CD2AP: variants seen among roughly 807,000 people sequenced by gnomAD.
The protein encoded by CD2AP is CD2-associated protein.
Under a neutral mutation model 85.1 loss-of-function variants are expected in CD2AP, and 46 were observed. The ratio of observed to expected loss-of-function variants is 0.54; its 90% CI spans 0.43 to 0.69. The LOEUF is 0.69. CD2AP is among the 30% of genes least tolerant of loss of function. CD2AP has a pLI of 0.00. For missense variants in CD2AP, 769 were observed against 729.5 expected (o/e 1.05, Z -0.62); for synonymous variants, 255 against 252.9 (o/e 1.01, Z -0.08).
chr6:47,616,930 C>G (rs1254910289), intron 17 of CD2AP, among the ~76,000 whole-genome samples: 1 of 152,108 alleles, frequency 6.6e-6, no homozygotes, highest in African/African-American at 2.4e-5. Flanking sequence ...ATCCTATTGT[C>G]TCTAACTTCT....
At chr6:47,513,741 CTT>C (rs1252383134) in intron 2 of CD2AP, among the ~76,000 whole-genome samples, 1 of 151,668 alleles carries the variant, frequency 6.6e-6, no homozygotes, top group South Asian at 2.1e-4. Flanking sequence ...CAGTAAACAT[CTT>C]TTTTGGGGTA....
chr6:47,532,498 T>G (rs1490063096), intron 2 of CD2AP, among the ~76,000 whole-genome samples: 1 of 152,134 alleles, frequency 6.6e-6, no homozygotes, highest in Non-Finnish European at 1.5e-5. Context: ...CATTCCCTAT[T>G]AAATATGGAA....
intron 17 of CD2AP, among the ~76,000 whole-genome samples, chr6:47,622,369 GT>G (rs1443201365): frequency 6.6e-6 from 1 of 152,134 alleles, no homozygotes; most frequent in African/African-American, 2.4e-5. Context: ...CTCTCGCCCC[GT>G]TCAAATTGTT....
intron 5 of CD2AP, 110 bp downstream of exon 5, chr6:47,554,876 G>A: frequency 9.1e-7 from 1 of 1,100,068 alleles, no homozygotes; most frequent in Non-Finnish European, 1.3e-6. Context: ...CTTTGAGTCA[G>A]CTTCAATTAG....
intron 3 of CD2AP, among the ~76,000 whole-genome samples, chr6:47,535,443 A>G (rs901573834): frequency 6.6e-6 from 1 of 152,110 alleles, no homozygotes; most frequent in Non-Finnish European, 1.5e-5. Flanking sequence ...TCAGTCTATT[A>G]CTTTCATAAG....
intron 1 of CD2AP, among the ~76,000 whole-genome samples, chr6:47,482,751 T>A (rs1765476414): frequency 6.6e-6 from 1 of 152,202 alleles, no homozygotes; most frequent in Non-Finnish European, 1.5e-5. Context: ...TTAAAACATT[T>A]AAAATAAATA....
At chr6:47,511,397 A>G (rs1361712203) in intron 2 of CD2AP, among the ~76,000 whole-genome samples, 4 of 152,214 alleles carry the variant, frequency 2.6e-5, no homozygotes, top group African/African-American at 7.2e-5. Flanking sequence ...CAGAAGAGGC[A>G]AAGGAGACAT....
rs76635934 is a variant in CD2AP at position 47,607,332 on chromosome 6, C to A, written c.1531-595C>A. On this transcript the variant is annotated intron_variant, in intron 14 of 17. Coordinates refer to ENST00000359314, the MANE Select transcript of CD2AP (RefSeq NM_012120.3). ...TTTTTTTGGTATATACCTAGCAGTG[C>A]TGGATCAGATGGTAGCTCTATATTT... 1.9e-3 allele frequency among the ~76,000 whole-genome samples: 295 copies of A among 152,138 alleles called. 1 individual carries two copies. The highest frequency in any genetic ancestry group is 6.8e-3 in the African/African-American group (283 of 41,554).
chr6:47,596,554 TC>T (rs985383010), intron 12 of CD2AP, among the ~76,000 whole-genome samples: 2 of 152,120 alleles, frequency 1.3e-5, no homozygotes, highest in Non-Finnish European at 2.9e-5. Flanking sequence ...TGACTTAACA[TC>T]CTCCAGATTC....
intron 4 of CD2AP, among the ~76,000 whole-genome samples, chr6:47,554,221 ATTC>A (rs1767612876): frequency 6.6e-6 from 1 of 152,174 alleles, no homozygotes; most frequent in Admixed American, 6.5e-5. Context: ...AGGAAGTTAT[ATTC>A]TTAGAATCAT....
At chr6:47,602,621 C>G (rs746837793) in intron 13 of CD2AP, among the ~76,000 whole-genome samples, 11 of 151,434 alleles carry the variant, frequency 7.3e-5, no homozygotes, top group Non-Finnish European at 1.5e-4. Flanking sequence ...GATCACAGCA[C>G]TTTAGGAGGC....
intron 16 of CD2AP, among the ~76,000 whole-genome samples, chr6:47,610,971 A>ATATATATATATATATTTT: frequency 8.0e-5 from 9 of 112,908 alleles, no homozygotes; most frequent in East Asian, 2.4e-4. Flanking sequence ...ATATATATGT[A>ATATATATATATATATTTT]TTTTTTTTTT....
At chr6:47,622,999 A>G (rs1769805771) in intron 17 of CD2AP, among the ~76,000 whole-genome samples, 1 of 152,282 alleles carries the variant, frequency 6.6e-6, no homozygotes, top group South Asian at 2.1e-4. Flanking sequence ...CGCTTTCTGT[A>G]TCTTTGGAAT....
At chr6:47,549,460 CAAAA>C (rs67626138) in intron 4 of CD2AP, among the ~76,000 whole-genome samples, 281 of 110,696 alleles carry the variant, frequency 2.5e-3, no homozygotes, top group African/African-American at 9.2e-3. Context: ...ACAATAGCTG[CAAAA>C]AAAAAAAAAA....
chr6:47,512,861 A>G (rs758327850), intron 2 of CD2AP, among the ~76,000 whole-genome samples: 3 of 152,188 alleles, frequency 2.0e-5, no homozygotes, highest in Non-Finnish European at 4.4e-5. Flanking sequence ...AACAAATAGT[A>G]TTTTGTGTGA....
intron 4 of CD2AP, among the ~76,000 whole-genome samples, chr6:47,547,618 A>G (rs958994646): frequency 3.9e-5 from 6 of 152,174 alleles, no homozygotes; most frequent in African/African-American, 1.4e-4. Flanking sequence ...TAGACAGGTC[A>G]TCAAGACAAA....
Position 47,533,727 on chromosome 6 carries a change from A to G in CD2AP, c.291A>G (p.Pro97=), listed in dbSNP as rs769257597. The G allele has an allele frequency of 4.1e-5, 66 of 1,614,022 alleles. No individual in the cohort carries two copies. The highest frequency in any genetic ancestry group is 5.5e-5 in the Non-Finnish European group (65 of 1,180,006). The part of the protein sequence containing the change: ...TYGLPAGGIQ[P]HPQTKNIKKK... ...GACTTCCAGCTGGAGGAATTCAGCC[A>G]CATCCACAAACCAAAAACATTAAGA... Residue 97 remains proline (P), a synonymous_variant, in exon 3 of 18, where the codon CCA becomes CCG. Coordinates refer to ENST00000359314, the MANE Select transcript of CD2AP (RefSeq NM_012120.3).
chr6:47,526,269 A>C (rs141325239), intron 2 of CD2AP, among the ~76,000 whole-genome samples: 1 of 152,136 alleles, frequency 6.6e-6, no homozygotes, highest in African/African-American at 2.4e-5. Context: ...TGTTTCTAGT[A>C]GTAAGGGATT....
intron 5 of CD2AP, among the ~76,000 whole-genome samples, chr6:47,559,457 T>C (rs757944083): frequency 6.6e-6 from 1 of 151,912 alleles, no homozygotes; most frequent in Non-Finnish European, 1.5e-5. Flanking sequence ...AGATGGGGCC[T>C]CACTATGTTG....
Sources: gnomAD v4.1 joint callset for allele counts (sites outside exome capture counted in the v4.1 genomes callset) on GRCh38, gnomAD v4.1.1 for gene constraint, MANE v1.5 for transcripts, NCBI Gene and HGNC (gene_info 2026-07-23, HGNC 2026-07-21) for gene names.